EPC1: variants seen among roughly 807,000 people sequenced by gnomAD.
EPC1 encodes enhancer of polycomb 1.
A neutral mutation model predicts 98.4 loss-of-function variants in EPC1; 12 were observed. The observed-to-expected ratio is 0.12, with a 90% CI of 0.08 to 0.20. The LOEUF is 0.20. EPC1 is among the 10% of genes least tolerant of loss of function. EPC1 has a pLI of 1.00. For missense variants in EPC1, 729 were observed against 990.5 expected (o/e 0.74, Z 3.54); for synonymous variants, 357 against 363.9 (o/e 0.98, Z 0.21).
chr10:32,349,534 G>A (rs1013345725), upstream of EPC1, among the ~76,000 whole-genome samples: 4 of 152,178 alleles, frequency 2.6e-5, no homozygotes, highest in Admixed American at 6.5e-5. Flanking sequence ...GGGTTCCCAA[G>A]GACTCAAAGG....
intron 1 of EPC1, among the ~76,000 whole-genome samples, chr10:32,352,825 G>A (rs1470124546): frequency 6.6e-6 from 1 of 152,118 alleles, no homozygotes; most frequent in East Asian, 1.9e-4. Flanking sequence ...ACTGGCTTAT[G>A]GCCAGGAAGC....
intron 1 of EPC1, among the ~76,000 whole-genome samples, chr10:32,372,743 C>T (rs1355649099): frequency 2.0e-5 from 3 of 152,212 alleles, no homozygotes; most frequent in South Asian, 2.1e-4. Flanking sequence ...TAAGTCAGGC[C>T]GGGCGCGGTG....
At chr10:32,368,113 G>C (rs1304011007) in intron 1 of EPC1, among the ~76,000 whole-genome samples, 5 of 152,252 alleles carry the variant, frequency 3.3e-5, no homozygotes, top group African/African-American at 1.2e-4. Flanking sequence ...CAGACTGTTG[G>C]AGTTTCCCTC....
At chr10:32,367,790 A>G (rs1839641456) in intron 1 of EPC1, among the ~76,000 whole-genome samples, 1 of 152,240 alleles carries the variant, frequency 6.6e-6, no homozygotes, top group Admixed American at 6.5e-5. Flanking sequence ...TCTCAAATAA[A>G]CAGCAGTGCC....
In EPC1 at chr10:32,293,074, C is replaced by T. The variant is rs201030761; in HGVS notation, c.580G>A (p.Val194Ile). 2 of 1,613,274 alleles carry T rather than the reference C, an allele frequency of 1.2e-6. No individual in the cohort carries two copies. The highest frequency in any genetic ancestry group is 1.7e-6 in the Non-Finnish European group (2 of 1,179,508). ...NCRGPSLIPS[V>I]KQEKRDGSST... ...GAACCATCTCGCTTCTCTTGTTTTA[C>T]TGATGGAATAAGAGATGGCCCTCGA... is the stretch of plus-strand genomic sequence containing the variant. Residue 194 changes from valine to isoleucine, a missense_variant, in exon 4 of 14, where the codon GTA becomes ATA. By Grantham distance (29) the Val-to-Ile change is conservative. Transcript: ENST00000319778.
chr10:32,276,525 T>C (rs946155384), intron 10 of EPC1, among the ~76,000 whole-genome samples: 1 of 152,034 alleles, frequency 6.6e-6, no homozygotes, highest in African/African-American at 2.4e-5. Context: ...AATAAATACA[T>C]AAATAAATAA....
chr10:32,295,912 G>A (rs1835124611), intron 2 of EPC1, among the ~76,000 whole-genome samples: 1 of 150,686 alleles, frequency 6.6e-6, no homozygotes, highest in Non-Finnish European at 1.5e-5. Context: ...AACTAGCAAT[G>A]TTCTCAATGT....
intron 1 of EPC1, among the ~76,000 whole-genome samples, chr10:32,312,557 T>C (rs1410574412): frequency 1.3e-5 from 2 of 152,126 alleles, no homozygotes; most frequent in Non-Finnish European, 2.9e-5. Context: ...ATATAGTTGG[T>C]TTATTTACTA....
At chr10:32,356,734 C>T (rs893284424) in intron 1 of EPC1, among the ~76,000 whole-genome samples, 5 of 152,178 alleles carry the variant, frequency 3.3e-5, no homozygotes, top group African/African-American at 1.2e-4. Flanking sequence ...CCTGTAATCC[C>T]AGCACTTTGG....
Position 32,272,152 on chromosome 10 carries a change from T to G in EPC1, c.1879A>C (p.Thr627Pro). 1 of 1,607,354 alleles carries G rather than the reference T, an allele frequency of 6.2e-7. No individual in the cohort carries two copies. The highest frequency in any genetic ancestry group is 8.5e-7 in the Non-Finnish European group (1 of 1,178,402). Residue 627 changes from threonine (T) to proline (P), a missense_variant, in exon 12 of 14, where the codon ACT becomes CCT. Physicochemically the swap from Thr to Pro is conservative, Grantham distance 38. Around this residue, in one of 6 missense-constraint regions of EPC1, gnomAD observed 390 missense variants for 438.6 expected, o/e 0.89. Coordinates refer to ENST00000319778, the MANE Select transcript of EPC1 (RefSeq NM_001272004.3). ...TNTSQGFVSK[T>P]LDSASAQFAA... ...AACTGTGCACTAGCAGAATCCAAAG[T>G]CTTAGAAACAAAACCCTAAAAAGAA...
intron 1 of EPC1, among the ~76,000 whole-genome samples, chr10:32,312,711 T>C (rs559535073): frequency 3.9e-5 from 6 of 152,350 alleles, no homozygotes; most frequent in Non-Finnish European, 7.3e-5. Flanking sequence ...TGTGTGTATG[T>C]ATATGTGCAT....
intron 1 of EPC1, among the ~76,000 whole-genome samples, chr10:32,306,963 AT>A (rs1375451235): frequency 1.3e-5 from 2 of 152,030 alleles, no homozygotes; most frequent in Non-Finnish European, 2.9e-5. Flanking sequence ...AGGAATGTGT[AT>A]TTTCTTCCCA....
intron 1 of EPC1, among the ~76,000 whole-genome samples, chr10:32,327,498 G>T (rs1592601893): frequency 6.6e-6 from 1 of 152,280 alleles, no homozygotes; most frequent in African/African-American, 2.4e-5. Flanking sequence ...TAAGGTCATG[G>T]CTATGTTAAT....
intron 1 of EPC1, among the ~76,000 whole-genome samples, chr10:32,366,751 G>A (rs1033344423): frequency 9.2e-5 from 14 of 152,164 alleles, no homozygotes; most frequent in Admixed American, 5.2e-4. Flanking sequence ...CCTTCAAAAC[G>A]TGTGACAGGC....
upstream of EPC1, among the ~76,000 whole-genome samples, chr10:32,348,508 C>G (rs909835671): frequency 6.6e-6 from 1 of 152,212 alleles, no homozygotes; most frequent in African/African-American, 2.4e-5. Context: ...CACAGGCAAA[C>G]TGCTAGCCTC....
rs752082009 is a variant in EPC1, at chr10:32,271,840, C to T, written c.2083G>A (p.Ala695Thr). 2 of 1,613,998 alleles carry T rather than the reference C, an allele frequency of 1.2e-6. No homozygotes were observed. The highest frequency in any genetic ancestry group is 2.7e-5 in the African/African-American group (2 of 74,892). Residue 695 changes from alanine (A) to threonine (T), a missense_variant, in exon 13 of 14, where the codon GCT becomes ACT. Ala to Thr is a moderately conservative substitution (Grantham distance 58). Coordinates refer to ENST00000319778, the MANE Select transcript of EPC1 (RefSeq NM_001272004.3). Reference sequence around the variant, plus strand: ...GTAATATTTGAAGGCTGTAACAAAGCTGAACCTGCCGTTGATGGACTTGTA... The same window carrying T: ...GTAATATTTGAAGGCTGTAACAAAGTTGAACCTGCCGTTGATGGACTTGTA... The part of the protein sequence containing the change: ...VHTSPSTAGS[A>T]LLQPSNITQT...
chr10:32,340,751 G>T (rs972234503), intron 1 of EPC1, among the ~76,000 whole-genome samples: 1 of 152,128 alleles, frequency 6.6e-6, no homozygotes, highest in Non-Finnish European at 1.5e-5. Context: ...TTGAGCTAGG[G>T]AGGTTGAGGC....
chr10:32,302,514 G>C (rs560662592), intron 2 of EPC1, among the ~76,000 whole-genome samples: 90 of 151,958 alleles, frequency 5.9e-4, no homozygotes, highest in African/African-American at 2.1e-3. Context: ...GCTGGGCATG[G>C]TGGCACGCGC....
At position 32,345,444 on chromosome 10, in the gene EPC1, A is replaced by T. The variant is rs1381572390; in HGVS notation, c.153+1319T>A. Reference sequence around the variant, plus strand: ...TAATTTCTACATTAAAAATTCTTACAGTACCAAGAGAAGTATTACAGTACA... The same window carrying T: ...TAATTTCTACATTAAAAATTCTTACTGTACCAAGAGAAGTATTACAGTACA... On this transcript the variant is annotated intron_variant, in intron 1 of 13. Transcript: ENST00000319778. The T allele has an allele frequency of 4.1e-6, 4 of 985,236 alleles. No individual in the cohort carries two copies. The African/African-American group carries it at 5.2e-5, about 13-fold the overall frequency. The allele number at this position is 985,236 out of a possible 1,614,324, so 61.0% of individuals were successfully genotyped here.
Sources: allele counts gnomAD v4.1 joint callset (sites outside exome capture counted in the v4.1 genomes callset), GRCh38; gene constraint gnomAD v4.1.1; regional missense constraint gnomAD v4.1.1; transcripts MANE v1.5; gene names NCBI Gene and HGNC (gene_info 2026-07-23, HGNC 2026-07-21).